Variants in LINGO2 observed in about 807,000 individuals in gnomAD.
LINGO2 encodes leucine-rich repeat and immunoglobulin-like domain-containing nogo receptor-interacting protein 2.
In LINGO2, 14 loss-of-function variants were observed where a neutral mutation model predicts 30.6. The observed-to-expected ratio is 0.46, with a 90% CI of 0.30 to 0.72. The LOEUF (loss-of-function observed/expected upper bound fraction) is 0.72, where lower values mean the gene tolerates loss of function less well. Ranked by LOEUF, LINGO2 falls within the 30% of genes least tolerant of loss-of-function variation. LINGO2 has a pLI of 0.07. For missense variants in LINGO2, 729 were observed against 751.7 expected, an observed-to-expected ratio of 0.97 and a Z score of 0.35; for synonymous variants, 317 against 288.5, an observed-to-expected ratio of 1.10 and a Z score of -1.00.
chr9:28,048,764 C>A (rs1289052802), intron 4 of LINGO2, among the ~76,000 whole-genome samples: 1 of 150,410 alleles, frequency 6.6e-6, no homozygotes, highest in Admixed American at 6.7e-5. Flanking sequence ...AATATGTAAT[C>A]ATTAAAATGA....
the LINGO2 span, among the ~76,000 whole-genome samples, chr9:29,133,419 A>AT: frequency 6.6e-6 from 1 of 152,086 alleles, no homozygotes; most frequent in African/African-American, 2.4e-5. Flanking sequence ...GTTCTTATAT[A>AT]TTCTCCTCAG....
chr9:28,198,434 C>T (rs1820096875), intron 4 of LINGO2, among the ~76,000 whole-genome samples: 1 of 152,140 alleles, frequency 6.6e-6, no homozygotes, highest in Admixed American at 6.5e-5. Context: ...AGAATGGCAA[C>T]AGAAGCCAAT....
intron 1 of LINGO2, among the ~76,000 whole-genome samples, chr9:28,601,462 A>AG (rs527538259): frequency 1.4e-3 from 210 of 152,164 alleles, no homozygotes; most frequent in Admixed American, 6.3e-3. Flanking sequence ...GGCTTGATGA[A>AG]GGGGGGACTG....
the LINGO2 span, among the ~76,000 whole-genome samples, chr9:28,732,993 A>G: frequency 6.6e-6 from 1 of 152,206 alleles, no homozygotes; most frequent in African/African-American, 2.4e-5. Context: ...ACCCATGAGC[A>G]CATAGCTCTC....
chr9:28,371,640 G>A (rs1212746053), intron 3 of LINGO2, among the ~76,000 whole-genome samples: 15 of 152,182 alleles, frequency 9.9e-5, no homozygotes, highest in Non-Finnish European at 1.9e-4. Context: ...TGTCACTGCA[G>A]GGCTACGCTG....
At chr9:29,115,477 A>G in the LINGO2 span, among the ~76,000 whole-genome samples, 2 of 152,024 alleles carry the variant, frequency 1.3e-5, no homozygotes, top group Non-Finnish European at 2.9e-5. Flanking sequence ...TGAATTTTAT[A>G]TGGGGTTCAG....
chr9:28,402,969 T>G (rs1281412258), intron 2 of LINGO2, among the ~76,000 whole-genome samples: 1 of 152,150 alleles, frequency 6.6e-6, no homozygotes, highest in Non-Finnish European at 1.5e-5. Context: ...GAAAAGCAAG[T>G]TACTAGGCTT....
At chr9:28,048,911 C>T (rs888502558) in intron 4 of LINGO2, among the ~76,000 whole-genome samples, 33 of 150,388 alleles carry the variant, frequency 2.2e-4, no homozygotes, top group Admixed American at 2.0e-4. Context: ...GCACATAGAA[C>T]AAATTCTATC....
At chr9:29,005,807 G>A in the LINGO2 span, among the ~76,000 whole-genome samples, 1 of 151,970 alleles carries the variant, frequency 6.6e-6, no homozygotes, top group Non-Finnish European at 1.5e-5. Flanking sequence ...GTCTTGTGCT[G>A]TTCAAACCCA....
At chr9:28,439,447 C>T (rs1824099012) in intron 2 of LINGO2, among the ~76,000 whole-genome samples, 1 of 152,058 alleles carries the variant, frequency 6.6e-6, no homozygotes, top group Non-Finnish European at 1.5e-5. Flanking sequence ...TGGTTTGGTT[C>T]TGTGTCCCCA....
At chr9:28,777,656 C>T in the LINGO2 span, among the ~76,000 whole-genome samples, 5 of 152,096 alleles carry the variant, frequency 3.3e-5, no homozygotes, top group Non-Finnish European at 5.9e-5. Flanking sequence ...CAGGAATGTG[C>T]GTCATATAAT....
Position 28,008,928 on chromosome 9 carries a change from A to G in LINGO2, c.-36+3427T>C, listed in dbSNP as rs558458991. 1.2e-4 allele frequency among the ~76,000 whole-genome samples: 18 copies of G among 152,284 alleles called. 1 individual carries two copies. In the South Asian group the frequency reaches 3.7e-3, roughly 32 times the overall value. On this transcript the variant is annotated intron_variant, in intron 5 of 5. Transcript: ENST00000379992. ...ATAGAAAAGCTGATTTAAATTTCAT[A>G]AAGAAATTATAAGGAACCCAAGGTG...
the LINGO2 span, among the ~76,000 whole-genome samples, chr9:28,942,004 T>C: frequency 6.6e-6 from 1 of 152,136 alleles, no homozygotes; most frequent in African/African-American, 2.4e-5. Context: ...ACTGTCCCTA[T>C]AGAAGCTTCA....
chr9:29,102,238 T>C, the LINGO2 span, among the ~76,000 whole-genome samples: 71,192 of 151,660 alleles, frequency 0.47, 17,348 homozygotes, highest in African/African-American at 0.62. Flanking sequence ...CCCGTCACCA[T>C]GCCCGGCTAA....
chr9:28,127,871 T>G (rs984459776), intron 4 of LINGO2, among the ~76,000 whole-genome samples: 1 of 152,232 alleles, frequency 6.6e-6, no homozygotes, highest in African/African-American at 2.4e-5. Context: ...GGCTTGCCAC[T>G]TACAAACTCT....
chr9:29,004,412 A>C, the LINGO2 span, among the ~76,000 whole-genome samples: 18 of 151,982 alleles, frequency 1.2e-4, no homozygotes, highest in African/African-American at 4.1e-4. Context: ...ATTCTGGTTA[A>C]TCAGTGGGTA....
the LINGO2 span, among the ~76,000 whole-genome samples, chr9:29,135,327 A>T: frequency 6.6e-6 from 1 of 152,094 alleles, no homozygotes; most frequent in Non-Finnish European, 1.5e-5. Flanking sequence ...TTGGAGGCCA[A>T]AGCGAGCAGA....
chr9:28,822,771 A>G, the LINGO2 span, among the ~76,000 whole-genome samples: 6 of 152,108 alleles, frequency 3.9e-5, no homozygotes, highest in Non-Finnish European at 8.8e-5. Flanking sequence ...GGTTATGTGA[A>G]TGAATACTTA....
intron 2 of LINGO2, among the ~76,000 whole-genome samples, chr9:28,468,321 T>C (rs1345998763): frequency 2.0e-5 from 3 of 152,194 alleles, no homozygotes; most frequent in Non-Finnish European, 4.4e-5. Flanking sequence ...TTTGCAAGGT[T>C]ATAACCAGTG....
Sources: gnomAD v4.1 joint callset for allele counts (sites outside exome capture counted in the v4.1 genomes callset) on GRCh38, gnomAD v4.1.1 for gene constraint, MANE v1.5 for transcripts, NCBI Gene and HGNC (gene_info 2026-07-23, HGNC 2026-07-21) for gene names.